The following PDE1A variants were observed in gnomAD, a reference collection of about 807,000 sequenced individuals.
PDE1A encodes the protein dual specificity calcium/calmodulin-dependent 3',5'-cyclic nucleotide phosphodiesterase 1A.
Under a neutral mutation model 61.7 loss-of-function variants are expected in PDE1A, and 35 were observed. The ratio of observed to expected loss-of-function variants is 0.57; its 90% confidence interval spans 0.43 to 0.75. The LOEUF is 0.75. Among genes scored for constraint, PDE1A ranks in the 30% least tolerant of loss-of-function variants. The pLI, the probability that PDE1A is intolerant of heterozygous loss-of-function variation, is 0.00. For synonymous variants in PDE1A, 232 were observed against 213.2 expected (o/e 1.09, Z -0.77); for missense variants, 597 against 630.6 (o/e 0.95, Z 0.57).
At chr2:182,607,056 A>C in the PDE1A span, among the ~76,000 whole-genome samples, 1 of 152,166 alleles carries the variant, frequency 6.6e-6, no homozygotes, top group Non-Finnish European at 1.5e-5. Context: ...GGGGGGAAAA[A>C]AAAAGACAGG....
the PDE1A span, among the ~76,000 whole-genome samples, chr2:182,674,835 A>G: frequency 6.6e-6 from 1 of 152,082 alleles, no homozygotes; most frequent in East Asian, 1.9e-4. Context: ...TAATGTGCAT[A>G]ATAATCCCAG....
chr2:182,681,717 C>T, the PDE1A span, among the ~76,000 whole-genome samples: 6 of 152,098 alleles, frequency 3.9e-5, no homozygotes, highest in Non-Finnish European at 8.8e-5. Context: ...ACGATCTGGG[C>T]TCACTGCAAG....
the PDE1A span, among the ~76,000 whole-genome samples, chr2:182,654,443 A>ACT: frequency 6.6e-6 from 1 of 152,150 alleles, no homozygotes; most frequent in Non-Finnish European, 1.5e-5. Context: ...AGCTGGACTC[A>ACT]CTGTAAGATA....
At chr2:182,153,931 C>T (rs1327723370) in intron 13 of PDE1A, among the ~76,000 whole-genome samples, 3 of 152,114 alleles carry the variant, frequency 2.0e-5, no homozygotes, top group African/African-American at 7.2e-5. Context: ...GTGATGGCTG[C>T]ACTTGAGTGT....
At chr2:182,465,495 G>A (rs1394283148) in intron 2 of PDE1A, among the ~76,000 whole-genome samples, 1 of 151,674 alleles carries the variant, frequency 6.6e-6, no homozygotes, top group African/African-American at 2.4e-5. Context: ...TGAACCACAG[G>A]AATTAAAAAT....
chr2:182,227,833 G>A (rs1689259314), intron 6 of PDE1A, among the ~76,000 whole-genome samples: 1 of 152,066 alleles, frequency 6.6e-6, no homozygotes, highest in Admixed American at 6.6e-5. Context: ...CACATAATTT[G>A]TAGAAAGATA....
chr2:182,604,680 C>T, the PDE1A span, among the ~76,000 whole-genome samples: 1 of 152,138 alleles, frequency 6.6e-6, no homozygotes, highest in Admixed American at 6.6e-5. Flanking sequence ...ATTTTAATTT[C>T]TGCATTTGTT....
chr2:182,268,798 CCT>C (rs1553561383), intron 1 of PDE1A, among the ~76,000 whole-genome samples: 4 of 152,052 alleles, frequency 2.6e-5, no homozygotes, highest in Non-Finnish European at 5.9e-5. Flanking sequence ...TTTGAAGATG[CCT>C]GTTCATTGTG....
chr2:182,664,465 A>G, the PDE1A span, among the ~76,000 whole-genome samples: 6 of 152,230 alleles, frequency 3.9e-5, no homozygotes, highest in Non-Finnish European at 8.8e-5. Context: ...AAAGCCTCAC[A>G]GTGGCAGAAG....
At chr2:182,326,121 A>AT (rs35372886) in intron 1 of PDE1A, among the ~76,000 whole-genome samples, 33,569 of 152,046 alleles carry the variant, frequency 0.22, 4,320 homozygotes, top group East Asian at 0.57. Context: ...GTATATATAT[A>AT]TTTTTTAAAA....
chr2:182,683,878 G>C, the PDE1A span, among the ~76,000 whole-genome samples: 6 of 152,136 alleles, frequency 3.9e-5, no homozygotes, highest in South Asian at 1.2e-3. Flanking sequence ...CCAACCCTTT[G>C]GGAGGCCAAG....
At chr2:182,361,279 G>A (rs1320586302) in intron 1 of PDE1A, among the ~76,000 whole-genome samples, 1 of 152,050 alleles carries the variant, frequency 6.6e-6, no homozygotes, top group Non-Finnish European at 1.5e-5. Context: ...AATGCATAGT[G>A]ATCAAATCAA....
chr2:182,392,312 C>T (rs1701468774), intron 1 of PDE1A, among the ~76,000 whole-genome samples: 2 of 152,306 alleles, frequency 1.3e-5, no homozygotes, highest in South Asian at 2.1e-4. Flanking sequence ...TCTATAAAAC[C>T]ATCAGATCTC....
At chr2:182,506,738 G>A (rs570963646) in intron 2 of PDE1A, among the ~76,000 whole-genome samples, 13 of 152,304 alleles carry the variant, frequency 8.5e-5, no homozygotes, top group African/African-American at 2.9e-4. Flanking sequence ...GTTGCAAAGA[G>A]GAGGCCTAGA....
At chr2:182,583,625 G>A in the PDE1A span, among the ~76,000 whole-genome samples, 4 of 152,044 alleles carry the variant, frequency 2.6e-5, no homozygotes, top group Admixed American at 6.6e-5. Context: ...CCTTTGTTTT[G>A]GGGAAGTTGG....
intron 6 of PDE1A, among the ~76,000 whole-genome samples, chr2:182,229,052 T>TA (rs2125634135): frequency 6.6e-6 from 1 of 152,212 alleles, no homozygotes; most frequent in South Asian, 2.1e-4. Flanking sequence ...ATTCTGAGGG[T>TA]AAAACCACAT....
At chr2:182,522,166 A>C in intron 2 of PDE1A, 2 of 850,244 alleles carry the variant, frequency 2.4e-6, no homozygotes, top group Non-Finnish European at 3.7e-6. Flanking sequence ...ATTTTTCGAG[A>C]GAAAATCTTT....
Position 182,433,287 on chromosome 2 carries a change from A to T in PDE1A, c.101+88989T>A, listed in dbSNP as rs147296907. Among the ~76,000 whole-genome samples, 34 of 152,176 alleles carry T rather than the reference A, an allele frequency of 2.2e-4. 1 individual carries two copies. The East Asian group carries it at 6.4e-3, about 29-fold the overall frequency. On this transcript the variant is annotated intron_variant, in intron 2 of 14. Coordinates refer to the PDE1A transcript ENST00000410103. ...ACTCTGCTTTAGCTTTTCACTTTCA[A>T]CCAAACCTGCTCCTCCTCTGGGATT...
At chr2:182,527,329 TATA>T (rs1690791990), upstream of PDE1A, among the ~76,000 whole-genome samples, 1 of 7,448 alleles carries the variant, frequency 1.3e-4, no homozygotes, top group African/African-American at 4.7e-4. Context: ...AAAAAAAAAA[TATA>T]TATATATATA....
Sources: allele counts gnomAD v4.1 joint callset (sites outside exome capture counted in the v4.1 genomes callset), GRCh38; gene constraint gnomAD v4.1.1; transcripts MANE v1.5; gene names NCBI Gene and HGNC (gene_info 2026-07-23, HGNC 2026-07-21).